The following HESX1 variants were observed in gnomAD, a reference collection of about 807,000 sequenced individuals.
HESX1 encodes HESX homeobox 1, also known as homeobox expressed in ES cells 1.
HESX1 carries 11 observed loss-of-function variants against 22.5 expected under a neutral mutation model. The ratio of observed to expected loss-of-function variants is 0.49; its 90% CI spans 0.31 to 0.81. The LOEUF (loss-of-function observed/expected upper bound fraction) is 0.81, where lower values mean the gene tolerates loss of function less well. Among genes scored for constraint, HESX1 ranks in the 30% least tolerant of loss-of-function variants. The pLI is 0.05. For synonymous variants in HESX1, 74 were observed against 76.5 expected (o/e 0.97, Z 0.17); for missense variants, 201 against 212.6 (o/e 0.95, Z 0.34).
chr3:57,214,162 G>T (rs971565699), intron 1 of HESX1, among the ~76,000 whole-genome samples: 26 of 152,130 alleles, frequency 1.7e-4, no homozygotes, highest in Non-Finnish European at 2.9e-4. Context: ...CATGATGTCT[G>T]GGTTTTGCTT....
intron 1 of HESX1, among the ~76,000 whole-genome samples, chr3:57,218,464 G>C (rs571514657): frequency 7.4e-6 from 1 of 135,052 alleles, no homozygotes; most frequent in East Asian, 2.1e-4. Context: ...TTTTTTTTGA[G>C]GTGGAGTCTC....
chr3:57,198,506 AT>A lies in HESX1; in HGVS notation c.358-15del. On this transcript the variant is annotated splice_polypyrimidine_tract_variant and intron_variant, in intron 2 of 3. Coordinates refer to ENST00000295934, the MANE Select transcript of HESX1 (RefSeq NM_003865.3). ...TAACACTTCAATCTAAGAAAAAAAA[AT>A]GTTGATATTCAGTATGTCTCCAAAA... 1 of 1,450,536 alleles carries A rather than the reference AT, an allele frequency of 6.9e-7. No homozygotes were observed. The highest frequency in any genetic ancestry group is 2.1e-4 in the Middle Eastern group (1 of 4,728). 89.9% of individuals were successfully genotyped at this position (1,450,536 alleles called of 1,614,324 possible).
chr3:57,223,884 T>C (rs2060628106), intron 1 of HESX1, among the ~76,000 whole-genome samples: 1 of 152,244 alleles, frequency 6.6e-6, no homozygotes, highest in Non-Finnish European at 1.5e-5. Flanking sequence ...TAGAGAATAT[T>C]TGTGAGTAGG....
upstream of HESX1, among the ~76,000 whole-genome samples, chr3:57,226,906 G>A (rs1363346562): frequency 6.6e-6 from 1 of 152,236 alleles, no homozygotes; most frequent in African/African-American, 2.4e-5. Context: ...GAGGAGGAAA[G>A]GATAGGCTTG....
chr3:57,225,881 C>CTTTTT (rs540522007), intron 1 of HESX1, among the ~76,000 whole-genome samples: 117 of 132,000 alleles, frequency 8.9e-4, no homozygotes, highest in East Asian at 1.3e-3. Context: ...CTTTTCTTTT[C>CTTTTT]TTTTTTTTTT....
intron 1 of HESX1, among the ~76,000 whole-genome samples, chr3:57,212,286 C>T (rs1436967902): frequency 2.6e-5 from 4 of 151,984 alleles, no homozygotes; most frequent in East Asian, 1.9e-4. Flanking sequence ...ATAGGCTGGG[C>T]GTGGTGGCTC....
chr3:57,211,293 C>A (rs1021550058), intron 1 of HESX1, among the ~76,000 whole-genome samples: 1 of 151,604 alleles, frequency 6.6e-6, no homozygotes, highest in East Asian at 1.9e-4. Context: ...TTTGGGAAGC[C>A]AAGGTGGGAG....
intron 1 of HESX1, among the ~76,000 whole-genome samples, chr3:57,207,079 CTG>C (rs1457523242): frequency 1.3e-5 from 2 of 152,098 alleles, no homozygotes; most frequent in African/African-American, 4.8e-5. Context: ...TCCTGAGTAA[CTG>C]GGATTACAGG....
intron 1 of HESX1, among the ~76,000 whole-genome samples, chr3:57,214,296 A>G (rs1579361939): frequency 6.6e-6 from 1 of 152,250 alleles, no homozygotes; most frequent in East Asian, 1.9e-4. Flanking sequence ...TTTTGTAAAT[A>G]TAAATAGTAA....
At chr3:57,226,471 G>A (rs1236431164) in exon 1 of HESX1, 2 of 152,134 alleles carry the variant, frequency 1.3e-5, no homozygotes, top group Admixed American at 6.5e-5. Context: ...GAGAGAGACT[G>A]GCTGATAAAC....
At position 57,225,978 on chromosome 3, in the gene HESX1, C is replaced by T. The variant is rs181247518; in HGVS notation, c.-111+318G>A. 8.8e-4 allele frequency among the ~76,000 whole-genome samples: 133 copies of T among 150,338 alleles called. 1 individual carries two copies. Among genetic ancestry groups the T allele is most frequent in the African/African-American group, 3.1e-3 (129 of 41,020 alleles). ...TCACTGCACCTGGGCCTCCCGGCTTCAACTGAGTCTCCTGCCTCAGCCGCC... is the reference window on the plus strand; with the variant it reads ...TCACTGCACCTGGGCCTCCCGGCTTTAACTGAGTCTCCTGCCTCAGCCGCC... On this transcript the variant is annotated intron_variant, in intron 1 of 2. Transcript: ENST00000495160.
chr3:57,201,100 A>G (rs1296269407), upstream of HESX1, among the ~76,000 whole-genome samples: 2 of 152,186 alleles, frequency 1.3e-5, no homozygotes, highest in Non-Finnish European at 2.9e-5. Flanking sequence ...TCTTTCCTTC[A>G]GGGAAGGGAA....
At chr3:57,203,629 A>G (rs2060502791), upstream of HESX1, among the ~76,000 whole-genome samples, 1 of 152,072 alleles carries the variant, frequency 6.6e-6, no homozygotes, top group Admixed American at 6.6e-5. Context: ...ACCTCTGCTC[A>G]CTGCAACCTC....
At chr3:57,213,451 C>G (rs2060566924) in intron 1 of HESX1, among the ~76,000 whole-genome samples, 2 of 152,160 alleles carry the variant, frequency 1.3e-5, no homozygotes, top group African/African-American at 4.8e-5. Flanking sequence ...TCAGGTTTTT[C>G]TCAGACTCAA....
intron 1 of HESX1, among the ~76,000 whole-genome samples, chr3:57,220,030 AG>A (rs1028495409): frequency 2.0e-5 from 3 of 152,194 alleles, no homozygotes; most frequent in Non-Finnish European, 4.4e-5. Flanking sequence ...GGCGTAAAAA[AG>A]GGTCCAGTTT....
intron 1 of HESX1, among the ~76,000 whole-genome samples, chr3:57,221,830 C>A (rs1482303836): frequency 6.6e-6 from 1 of 152,186 alleles, no homozygotes; most frequent in East Asian, 1.9e-4. Flanking sequence ...TGGTCTTGAA[C>A]TCCTGATCTC....
upstream of HESX1, among the ~76,000 whole-genome samples, chr3:57,202,791 T>A (rs573849027): frequency 6.6e-6 from 1 of 152,242 alleles, no homozygotes; most frequent in East Asian, 1.9e-4. Flanking sequence ...TGGCAGAGGG[T>A]GACTTAAAAT....
At chr3:57,209,809 T>C (rs1296343704) in intron 1 of HESX1, among the ~76,000 whole-genome samples, 1 of 152,238 alleles carries the variant, frequency 6.6e-6, no homozygotes, top group Admixed American at 6.5e-5. Context: ...ATGCTGTTTA[T>C]TTAGCACAAT....
chr3:57,200,000 T>C, upstream of HESX1: 1 of 1,217,246 alleles, frequency 8.2e-7, no homozygotes, highest in Non-Finnish European at 1.2e-6. Flanking sequence ...CTTCCTGCAG[T>C]TCACCTTATA....
Sources: gnomAD v4.1 joint callset for allele counts (sites outside exome capture counted in the v4.1 genomes callset) on GRCh38, gnomAD v4.1.1 for gene constraint, MANE v1.5 for transcripts, NCBI Gene and HGNC (gene_info 2026-07-23, HGNC 2026-07-21) for gene names.